Variants in TOM1L2 observed in about 807,000 individuals in gnomAD.
TOM1L2 encodes the protein TOM1-like protein 2.
TOM1L2 carries 31 observed loss-of-function variants against 67.9 expected under a neutral mutation model. The ratio of observed to expected loss-of-function variants is 0.46; its 90% confidence interval spans 0.34 to 0.62. The LOEUF (loss-of-function observed/expected upper bound fraction) is 0.62. Among genes scored for constraint, TOM1L2 ranks in the 20% least tolerant of loss-of-function variants. The pLI, the probability that TOM1L2 is intolerant of heterozygous loss-of-function variation, is 0.01. For missense variants in TOM1L2, 606 were observed against 663.5 expected, an observed-to-expected ratio of 0.91 and a Z score of 0.95; for synonymous variants, 256 against 254.0, an observed-to-expected ratio of 1.01 and a Z score of -0.07.
At chr17:17,939,767 A>G (rs2040654159) in intron 1 of TOM1L2, among the ~76,000 whole-genome samples, 1 of 152,256 alleles carries the variant, frequency 6.6e-6, no homozygotes, top group African/African-American at 2.4e-5. Context: ...CATAGGGCAG[A>G]GATTATAAAT....
intron 1 of TOM1L2, among the ~76,000 whole-genome samples, chr17:17,916,363 G>A (rs939099382): frequency 9.2e-5 from 14 of 152,156 alleles, no homozygotes; most frequent in African/African-American, 1.2e-4. Flanking sequence ...ATGAATCACC[G>A]CGCCCGGCCT....
intron 1 of TOM1L2, among the ~76,000 whole-genome samples, chr17:17,942,394 C>T (rs1220018499): frequency 1.3e-5 from 2 of 152,164 alleles, no homozygotes; most frequent in African/African-American, 2.4e-5. Flanking sequence ...GTTCATTAAT[C>T]CTGGCTTTAA....
chr17:17,914,892 A>T (rs2039564928), intron 1 of TOM1L2, among the ~76,000 whole-genome samples: 1 of 152,272 alleles, frequency 6.6e-6, no homozygotes, highest in Admixed American at 6.5e-5. Context: ...AAAAAAATTT[A>T]AAAAGAGCAG....
At chr17:17,963,637 A>G (rs2041775945) in intron 1 of TOM1L2, among the ~76,000 whole-genome samples, 1 of 152,236 alleles carries the variant, frequency 6.6e-6, no homozygotes. Context: ...GGGCCAGGAA[A>G]TGATGGCTAG....
chr17:17,931,008 AAC>A (rs2040309224), intron 1 of TOM1L2, among the ~76,000 whole-genome samples: 1 of 152,228 alleles, frequency 6.6e-6, no homozygotes, highest in Non-Finnish European at 1.5e-5. Flanking sequence ...TGTCTTCAAC[AAC>A]AGTTTCATAT....
At chr17:17,877,985 C>A (rs914472425) in intron 7 of TOM1L2, among the ~76,000 whole-genome samples, 1 of 152,194 alleles carries the variant, frequency 6.6e-6, no homozygotes, top group Admixed American at 6.5e-5. Flanking sequence ...GTTCAACACA[C>A]CCCCTGCTGC....
chr17:17,961,133 T>G (rs1258459302), intron 1 of TOM1L2, among the ~76,000 whole-genome samples: 1 of 151,952 alleles, frequency 6.6e-6, no homozygotes, highest in African/African-American at 2.4e-5. Context: ...AACAGACATT[T>G]CTCCAAAGAA....
At chr17:17,917,054 G>A (rs912857593) in intron 1 of TOM1L2, among the ~76,000 whole-genome samples, 4 of 152,174 alleles carry the variant, frequency 2.6e-5, no homozygotes, top group African/African-American at 7.2e-5. Flanking sequence ...CAGCTACTCC[G>A]GAGGCTGAGG....
chr17:17,939,116 C>T (rs1041030676), intron 1 of TOM1L2, among the ~76,000 whole-genome samples: 1 of 152,210 alleles, frequency 6.6e-6, no homozygotes, highest in African/African-American at 2.4e-5. Context: ...TGTTTCTACC[C>T]ATTACTGAAG....
At chr17:17,865,243 T>C (rs930152963) in intron 10 of TOM1L2, among the ~76,000 whole-genome samples, 1 of 152,254 alleles carries the variant, frequency 6.6e-6, no homozygotes, top group Non-Finnish European at 1.5e-5. Flanking sequence ...TGCTACCTCC[T>C]GTTTCCAAGC....
chr17:17,850,851 C>T (rs767308444), intron 13 of TOM1L2, 42 bp downstream of exon 13: 14 of 1,607,860 alleles, frequency 8.7e-6, no homozygotes, highest in African/African-American at 2.7e-5. Flanking sequence ...GAGCCTCTGC[C>T]GCTCCACACC....
intron 1 of TOM1L2, among the ~76,000 whole-genome samples, chr17:17,945,472 C>T (rs2040905603): frequency 6.6e-6 from 1 of 152,150 alleles, no homozygotes; most frequent in Non-Finnish European, 1.5e-5. Flanking sequence ...TGTGCAATAC[C>T]AGGTGGACTT....
At chr17:17,913,013 G>C (rs1029046800) in intron 1 of TOM1L2, among the ~76,000 whole-genome samples, 6 of 152,166 alleles carry the variant, frequency 3.9e-5, no homozygotes, top group Non-Finnish European at 8.8e-5. Flanking sequence ...GCGAAACCCC[G>C]TCTCCACCAA....
At chr17:17,945,917 G>A (rs1053422144) in intron 1 of TOM1L2, among the ~76,000 whole-genome samples, 3 of 152,128 alleles carry the variant, frequency 2.0e-5, no homozygotes, top group Non-Finnish European at 4.4e-5. Flanking sequence ...CACCCAGGCT[G>A]GAGTGCAGTG....
intron 1 of TOM1L2, among the ~76,000 whole-genome samples, chr17:17,930,324 G>C (rs2040276275): frequency 6.6e-6 from 1 of 152,134 alleles, no homozygotes; most frequent in African/African-American, 2.4e-5. Context: ...ATGGTCTTAG[G>C]AAATGACCAA....
At chr17:17,866,533 T>C (rs2036859447) in intron 9 of TOM1L2, 114 bp from the exon 10 acceptor site, 1 of 1,360,240 alleles carries the variant, frequency 7.4e-7, no homozygotes, top group South Asian at 1.5e-5. Flanking sequence ...AGCGCTGCTC[T>C]AGTACAGAAG....
At chr17:17,853,228 A>G (rs916980204) in intron 12 of TOM1L2, among the ~76,000 whole-genome samples, 2 of 152,228 alleles carry the variant, frequency 1.3e-5, no homozygotes, top group South Asian at 2.1e-4. Context: ...AGTCAGCAGC[A>G]TCTCCAGAGA....
intron 1 of TOM1L2, among the ~76,000 whole-genome samples, chr17:17,967,356 C>G (rs995625335): frequency 6.6e-6 from 1 of 152,198 alleles, no homozygotes; most frequent in Admixed American, 6.5e-5. Context: ...AAACTTTACT[C>G]TTGGAAAAGG....
intron 1 of TOM1L2, among the ~76,000 whole-genome samples, chr17:17,931,891 C>T (rs985766995): frequency 3.3e-5 from 5 of 152,204 alleles, no homozygotes; most frequent in African/African-American, 9.6e-5. Context: ...CTCCAAATAC[C>T]CATGCAAATC....
Sources: gnomAD v4.1 joint callset for allele counts (sites outside exome capture counted in the v4.1 genomes callset) on GRCh38, gnomAD v4.1.1 for gene constraint, MANE v1.5 for transcripts, NCBI Gene and HGNC (gene_info 2026-07-23, HGNC 2026-07-21) for gene names.